AGO1: variants seen among roughly 807,000 people sequenced by gnomAD.
AGO1 encodes the protein protein argonaute-1.
A neutral mutation model predicts 109.2 loss-of-function variants in AGO1; 11 were observed. The ratio of observed to expected loss-of-function variants is 0.10; its 90% CI spans 0.06 to 0.17. AGO1 has a LOEUF of 0.17. AGO1 is among the 10% of genes least tolerant of loss of function. The probability of loss-of-function intolerance (pLI) is 1.00; values close to 1 mark genes in which losing one functional copy is unlikely to be tolerated. For missense variants in AGO1, 574 were observed against 1,140.3 expected (o/e 0.50, Z 7.15); for synonymous variants, 422 against 418.6 (o/e 1.01, Z -0.10).
At position 35,902,026 on chromosome 1, in the gene AGO1, A is replaced by G. The variant is rs755717690; in HGVS notation, c.1219A>G (p.Thr407Ala). The G allele has an allele frequency of 6.2e-7, 1 of 1,612,140 alleles. No homozygotes were observed. The highest frequency in any genetic ancestry group is 8.5e-7 in the Non-Finnish European group (1 of 1,179,030). ...IKVKDDMTEV[T>A]GRVLPAPILQ... is the part of the protein sequence containing the mutation. ...AGTGAAGGATGACATGACGGAGGTGACAGGGCGAGTGCTGCCGGCGCCCAT... is the reference window on the plus strand; with the variant it reads ...AGTGAAGGATGACATGACGGAGGTGGCAGGGCGAGTGCTGCCGGCGCCCAT... The change falls in exon 10 of 19, where the codon ACA becomes GCA. Residue 407 changes from threonine (T) to alanine (A), a missense_variant. By Grantham distance (58) the Thr-to-Ala change is moderately conservative. Around this residue, in one of 8 missense-constraint regions of AGO1, gnomAD observed 106 missense variants for 147.8 expected, o/e 0.72. Transcript: ENST00000373204.
Position 35,928,595 on chromosome 1 carries a change from T to C in AGO1, c.*8988T>C, listed in dbSNP as rs1475127738. On this transcript the variant is annotated 3_prime_UTR_variant, in exon 19 of 19. Coordinates refer to ENST00000373204, the MANE Select transcript of AGO1 (RefSeq NM_012199.5). ...CACAAGCCACTGGGCCCAGCCTCTT[T>C]TACCTGTTTCAAAATTGAGTTTTAT... 6.6e-6 allele frequency: 1 copy of C among 152,252 alleles called. No individual in the cohort carries two copies. Among genetic ancestry groups the C allele is most frequent in the Non-Finnish European group, 1.5e-5 (1 of 68,052 alleles). 9.4% of individuals were successfully genotyped at this position (152,252 alleles called of 1,614,324 possible). A position where few individuals can be genotyped will look rare whatever the true frequency, so the allele number is the denominator to read the frequency against.
intron 12 of AGO1, among the ~76,000 whole-genome samples, chr1:35,911,491 G>T (rs1645631950): frequency 6.6e-6 from 1 of 151,878 alleles, no homozygotes; most frequent in African/African-American, 2.4e-5. Flanking sequence ...GCTCACCTCT[G>T]AGATTTTTTT....
Position 35,914,231 on chromosome 1 carries a change from C to T in AGO1, c.1790C>T (p.Thr597Ile). The T allele has an allele frequency of 1.2e-6, 2 of 1,614,174 alleles. No homozygotes were observed. Among genetic ancestry groups the T allele is most frequent in the South Asian group, 1.1e-5 (1 of 91,076 alleles). ...QPVIFLGADV[T>I]HPPAGDGKKP... The stretch of plus-strand genomic sequence containing the variant: ...GTGATATTCCTGGGAGCAGATGTTA[C>T]ACACCCCCCAGCAGGGGATGGGAAA... Residue 597 changes from threonine to isoleucine, a missense_variant, in exon 14 of 19, where the codon ACA (threonine) becomes ATA (isoleucine). This residue lies in a region of AGO1 where 68 missense variants were observed against 200.2 expected (regional missense o/e 0.34). Coordinates refer to ENST00000373204, the MANE Select transcript of AGO1 (RefSeq NM_012199.5).
At chr1:35,873,505 T>C (rs958128178) in intron 1 of AGO1, 2 of 152,712 alleles carry the variant, frequency 1.3e-5, no homozygotes, top group African/African-American at 4.8e-5. Flanking sequence ...TCATACCAAC[T>C]CTTGGTTTCA....
At chr1:35,903,961 CAA>C (rs199736774) in intron 11 of AGO1, among the ~76,000 whole-genome samples, 3 of 138,870 alleles carry the variant, frequency 2.2e-5, no homozygotes. Context: ...GACTCCATCT[CAA>C]AAAAAAAAAA....
chr1:35,915,685 C>A, intron 15 of AGO1, 143 bp downstream of exon 15: 1 of 748,614 alleles, frequency 1.3e-6, no homozygotes, highest in Non-Finnish European at 2.2e-6. Flanking sequence ...GGGCAAGGAT[C>A]GCAACTGAGG....
intron 14 of AGO1, 75 bp downstream of exon 14, chr1:35,914,349 T>C: frequency 8.2e-7 from 1 of 1,220,108 alleles, no homozygotes; most frequent in Non-Finnish European, 1.2e-6. Flanking sequence ...CATGATTTCC[T>C]TCCCTCAGCT....
At position 35,897,980 on chromosome 1, in the gene AGO1, CATATCATATATG is replaced by C. The variant is rs1203736379; in HGVS notation, c.1020+2712_1020+2723del. Among the ~76,000 whole-genome samples, 17 of 152,312 alleles carry C rather than the reference CATATCATATATG, an allele frequency of 1.1e-4. No homozygotes were observed. The East Asian group carries it at 1.5e-3, about 14-fold the overall frequency. On this transcript the variant is annotated intron_variant, in intron 8 of 18. Coordinates refer to ENST00000373204, the MANE Select transcript of AGO1 (RefSeq NM_012199.5). The stretch of plus-strand genomic sequence containing the variant: ...AGTCTCTGGGTATACCTATTTTGGA[CATATCATATATG>C]TGAAATAATACAATATGTGGCCTTT...
chr1:35,872,830 C>T (rs1174957015), intron 1 of AGO1, among the ~76,000 whole-genome samples: 2 of 152,192 alleles, frequency 1.3e-5, no homozygotes. Flanking sequence ...ACTTCAGTCT[C>T]CCAAAGCACC....
upstream of AGO1, among the ~76,000 whole-genome samples, chr1:35,881,837 G>T (rs1645040277): frequency 6.6e-6 from 1 of 152,170 alleles, no homozygotes; most frequent in South Asian, 2.1e-4. Flanking sequence ...GTTTGAGCTG[G>T]GTCTCTTACC....
Position 35,892,552 on chromosome 1 carries a change from C to A in AGO1, c.210-5C>A. 1 of 1,614,212 alleles carries A rather than the reference C, an allele frequency of 6.2e-7. No individual in the cohort carries two copies. ...GCTTCCACAGGCCACTCCTATCCCC[C>A]ACAGGGAAGTGGTGGAATACATGGT... On this transcript the variant is annotated splice_polypyrimidine_tract_variant and splice_region_variant and intron_variant, in intron 2 of 18. Coordinates refer to ENST00000373204, the MANE Select transcript of AGO1 (RefSeq NM_012199.5).
intron 1 of AGO1, among the ~76,000 whole-genome samples, chr1:35,871,610 T>G (rs549890106): frequency 6.6e-6 from 1 of 151,468 alleles, no homozygotes; most frequent in Non-Finnish European, 1.5e-5. Flanking sequence ...GGGTGGCCCA[T>G]GCTTGCAATC....
chr1:35,899,666 C>G (rs1645380791), intron 8 of AGO1, among the ~76,000 whole-genome samples: 1 of 152,160 alleles, frequency 6.6e-6, no homozygotes, highest in South Asian at 2.1e-4. Flanking sequence ...TGTTTATTCT[C>G]TGGAATATGG....
chr1:35,912,153 C>T (rs1044030122), intron 12 of AGO1, among the ~76,000 whole-genome samples: 2 of 152,010 alleles, frequency 1.3e-5, no homozygotes, highest in African/African-American at 4.8e-5. Context: ...GTCAGGAGAT[C>T]GAGACCATCC....
Position 35,907,120 on chromosome 1 carries a change from G to A in AGO1, c.1582+1G>A. 6.2e-7 allele frequency: 1 copy of A among 1,610,090 alleles called. No individual in the cohort carries two copies. On this transcript the variant is annotated splice_donor_variant, in intron 12 of 18. Transcript: ENST00000373204. LOFTEE classifies it high-confidence loss of function. ...CTGCCAGGGAAGACGCCGGTGTATG[G>A]TACAGTTCTCTTGGGACAGTGATAA...
chr1:35,892,495 C>CT, intron 2 of AGO1, 62 bp from the exon 3 acceptor site: 1 of 1,612,222 alleles, frequency 6.2e-7, no homozygotes, highest in Non-Finnish European at 8.5e-7. Flanking sequence ...CTTTGAATTA[C>CT]TTCCAAAACT....
At chr1:35,897,832 A>G (rs1386211828) in intron 8 of AGO1, among the ~76,000 whole-genome samples, 16 of 152,240 alleles carry the variant, frequency 1.1e-4, no homozygotes, top group African/African-American at 2.9e-4. Flanking sequence ...AGAATTGTAC[A>G]ACAGCCATCA....
At chr1:35,895,303 A>G (rs771651689) in intron 8 of AGO1, 34 bp downstream of exon 8, 2 of 1,601,004 alleles carry the variant, frequency 1.2e-6, no homozygotes, top group South Asian at 1.1e-5. Flanking sequence ...GGGAATAGGC[A>G]TTGTATATAC....
intron 8 of AGO1, among the ~76,000 whole-genome samples, chr1:35,900,345 T>C (rs1645391924): frequency 6.6e-6 from 1 of 152,238 alleles, no homozygotes; most frequent in Non-Finnish European, 1.5e-5. Context: ...CTACAATTTA[T>C]TGTTTACTGT....
Sources: allele counts gnomAD v4.1 joint callset (sites outside exome capture counted in the v4.1 genomes callset), GRCh38; gene constraint gnomAD v4.1.1; regional missense constraint gnomAD v4.1.1; transcripts MANE v1.5; gene names NCBI Gene and HGNC (gene_info 2026-07-23, HGNC 2026-07-21).